FBXL7: variants seen among roughly 807,000 people sequenced by gnomAD.
FBXL7 encodes the protein F-box and leucine rich repeat protein 7.
Under a neutral mutation model 38.3 loss-of-function variants are expected in FBXL7, and 12 were observed. The observed-to-expected ratio is 0.31, with a 90% CI of 0.20 to 0.51. FBXL7 has a LOEUF of 0.51. FBXL7 is among the 20% of genes least tolerant of loss of function. The pLI, the probability that FBXL7 is intolerant of heterozygous loss-of-function variation, is 0.98. For missense variants in FBXL7, 567 were observed against 676.4 expected (o/e 0.84, Z 1.79); for synonymous variants, 297 against 300.9 (o/e 0.99, Z 0.13).
chr5:15,644,304 CAAAAAAAAA>C (rs369213583), intron 2 of FBXL7, among the ~76,000 whole-genome samples: 1 of 94,808 alleles, frequency 1.1e-5, no homozygotes, highest in African/African-American at 3.9e-5. Flanking sequence ...ACTAAAAATC[CAAAAAAAAA>C]AAAAAAAAAA....
intron 2 of FBXL7, among the ~76,000 whole-genome samples, chr5:15,849,967 C>T (rs1284809653): frequency 6.6e-6 from 1 of 152,128 alleles, no homozygotes; most frequent in African/African-American, 2.4e-5. Flanking sequence ...GATTAATCAA[C>T]TTATCTGACC....
At position 15,643,812 on chromosome 5, in the gene FBXL7, T is replaced by C. The variant is rs1001420318; in HGVS notation, c.127+27740T>C. On this transcript the variant is annotated intron_variant, in intron 2 of 3. Transcript: ENST00000504595. ...ATCTCTTGCTAGAAGACCTTGATCA[T>C]CTGTCTCTTGGCTGTAGAGGTGGCT... Among the ~76,000 whole-genome samples the C allele has an allele frequency of 6.6e-5, 10 of 152,324 alleles. No homozygotes were observed. The South Asian group carries it at 1.2e-3, about 19-fold the overall frequency.
chr5:15,685,696 G>A (rs530804447), intron 2 of FBXL7, among the ~76,000 whole-genome samples: 27 of 152,270 alleles, frequency 1.8e-4, no homozygotes, highest in Non-Finnish European at 2.5e-4. Context: ...CCACTTCACT[G>A]AACCTTACTG....
At chr5:15,729,503 G>T (rs1188012170) in intron 2 of FBXL7, among the ~76,000 whole-genome samples, 1 of 151,802 alleles carries the variant, frequency 6.6e-6, no homozygotes, top group Admixed American at 6.6e-5. Context: ...AAAGAAGAAA[G>T]AAAAAATTAC....
chr5:15,798,598 AGAC>A (rs1737476491), intron 2 of FBXL7, among the ~76,000 whole-genome samples: 1 of 152,254 alleles, frequency 6.6e-6, no homozygotes, highest in South Asian at 2.1e-4. Flanking sequence ...TTTGCTGATC[AGAC>A]AAGAGATGGA....
In FBXL7 at chr5:15,629,668, C is replaced by G. The variant is rs571102520; in HGVS notation, c.127+13596C>G. 9.8e-5 allele frequency among the ~76,000 whole-genome samples: 15 copies of G among 152,308 alleles called. No individual in the cohort carries two copies. In the South Asian group the frequency reaches 2.9e-3, roughly 29 times the overall value. ...CTGCGATGCCTCAATGGTATCATTCCTCCACTTGGTTGAAGTCTTTTGAGG... is the reference window on the plus strand; with the variant it reads ...CTGCGATGCCTCAATGGTATCATTCGTCCACTTGGTTGAAGTCTTTTGAGG... On this transcript the variant is annotated intron_variant, in intron 2 of 3. Transcript: ENST00000504595.
At chr5:15,608,704 A>G (rs192925176) in intron 1 of FBXL7, among the ~76,000 whole-genome samples, 114 of 152,288 alleles carry the variant, frequency 7.5e-4, no homozygotes, top group African/African-American at 2.7e-3. Context: ...TTCTGCCACA[A>G]TCCTGCAGCC....
At chr5:15,534,355 C>A (rs1053648086) in intron 1 of FBXL7, among the ~76,000 whole-genome samples, 1 of 82,518 alleles carries the variant, frequency 1.2e-5, no homozygotes, top group Non-Finnish European at 2.4e-5. Context: ...TGGCAACCAC[C>A]AGTCTTTCTG....
chr5:15,618,595 T>G (rs1020974091), intron 2 of FBXL7, among the ~76,000 whole-genome samples: 2 of 152,128 alleles, frequency 1.3e-5, no homozygotes, highest in Admixed American at 1.3e-4. Flanking sequence ...GGAGACATAG[T>G]CTCAGGAAGA....
chr5:15,534,773 C>A (rs1455001661), intron 1 of FBXL7, among the ~76,000 whole-genome samples: 1 of 152,188 alleles, frequency 6.6e-6, no homozygotes, highest in Non-Finnish European at 1.5e-5. Context: ...TGCAGTTCCA[C>A]CAGCAGTGAA....
intron 2 of FBXL7, among the ~76,000 whole-genome samples, chr5:15,808,027 C>T (rs925063306): frequency 9.2e-5 from 14 of 152,130 alleles, no homozygotes; most frequent in Non-Finnish European, 2.1e-4. Context: ...TGACCGTAGA[C>T]CAGGATTTGG....
At chr5:15,808,792 G>A (rs1430529515) in intron 2 of FBXL7, among the ~76,000 whole-genome samples, 1 of 152,118 alleles carries the variant, frequency 6.6e-6, no homozygotes, top group Non-Finnish European at 1.5e-5. Context: ...AGGGACTCGG[G>A]GTGTGCAATC....
intron 2 of FBXL7, among the ~76,000 whole-genome samples, chr5:15,763,400 T>A (rs1736500690): frequency 1.3e-5 from 2 of 152,192 alleles, no homozygotes; most frequent in South Asian, 4.1e-4. Context: ...TGTTAGAATT[T>A]TTGAAACGTA....
At chr5:15,611,292 T>TG (rs913898607) in intron 1 of FBXL7, among the ~76,000 whole-genome samples, 6 of 150,994 alleles carry the variant, frequency 4.0e-5, no homozygotes, top group African/African-American at 1.5e-4. Flanking sequence ...GTGTTCTTTT[T>TG]GGGGTCCATG....
chr5:15,818,732 G>GTGTA (rs1418748793), intron 2 of FBXL7, among the ~76,000 whole-genome samples: 119 of 89,648 alleles, frequency 1.3e-3, no homozygotes, highest in Non-Finnish European at 2.1e-3. Context: ...GTGTGTGTGT[G>GTGTA]TGTGTGTGTG....
chr5:15,864,213 T>C (rs544493669), intron 2 of FBXL7, among the ~76,000 whole-genome samples: 25 of 150,854 alleles, frequency 1.7e-4, no homozygotes, highest in Non-Finnish European at 2.5e-4. Flanking sequence ...AACTTGGTGG[T>C]CATTAGAATT....
chr5:15,671,792 C>T (rs897037229), intron 2 of FBXL7, among the ~76,000 whole-genome samples: 1 of 152,172 alleles, frequency 6.6e-6, no homozygotes, highest in Admixed American at 6.5e-5. Flanking sequence ...TGATTTCGTT[C>T]ATTTAAGAAT....
At position 15,500,672 on chromosome 5, in the gene FBXL7, A is replaced by G. The variant is rs770110222; in HGVS notation, c.-5A>G. The G allele has an allele frequency of 5.0e-6, 8 of 1,612,998 alleles. No individual in the cohort carries two copies. In the South Asian group the frequency reaches 7.7e-5, roughly 15 times the overall value. The stretch of plus-strand genomic sequence containing the variant: ...CCGGGAGACGGCGGGCATGACGGCT[A>G]CAGGATGGGCGCGAACAATGGCAAA... On this transcript the variant is annotated 5_prime_UTR_variant, in exon 1 of 4. Coordinates refer to ENST00000504595, the MANE Select transcript of FBXL7 (RefSeq NM_012304.5).
intron 2 of FBXL7, among the ~76,000 whole-genome samples, chr5:15,832,547 A>C (rs1738484998): frequency 6.6e-6 from 1 of 152,196 alleles, no homozygotes; most frequent in Non-Finnish European, 1.5e-5. Flanking sequence ...AAGGCATTTG[A>C]GTTAACCATC....
Sources: gnomAD v4.1 joint callset for allele counts (sites outside exome capture counted in the v4.1 genomes callset) on GRCh38, gnomAD v4.1.1 for gene constraint, MANE v1.5 for transcripts, NCBI Gene and HGNC (gene_info 2026-07-23, HGNC 2026-07-21) for gene names.